The following TOX2 variants were observed in gnomAD, a reference collection of about 807,000 sequenced individuals.
TOX2 encodes TOX high mobility group box family member 2.
TOX2 carries 15 observed loss-of-function variants against 47.4 expected under a neutral mutation model. The ratio of observed to expected loss-of-function variants is 0.32; its 90% CI spans 0.21 to 0.49. The LOEUF (loss-of-function observed/expected upper bound fraction) is 0.49. Ranked by LOEUF, TOX2 falls within the 20% of genes least tolerant of loss-of-function variation. TOX2 has a pLI of 0.99. For missense variants in TOX2, 622 were observed against 673.1 expected, an observed-to-expected ratio of 0.92 and a Z score of 0.84; for synonymous variants, 290 against 296.6, an observed-to-expected ratio of 0.98 and a Z score of 0.23.
chr20:44,018,565 C>T (rs2070921900), intron 3 of TOX2, among the ~76,000 whole-genome samples: 1 of 152,184 alleles, frequency 6.6e-6, no homozygotes, highest in African/African-American at 2.4e-5. Context: ...GTCTGGAGCA[C>T]ATAAAACTTG....
chr20:43,917,304 T>C (rs944352967), intron 1 of TOX2, among the ~76,000 whole-genome samples: 5 of 151,936 alleles, frequency 3.3e-5, no homozygotes, highest in Non-Finnish European at 5.9e-5. Flanking sequence ...TCCCCTTTTC[T>C]GGCTCAAGAA....
intron 2 of TOX2, among the ~76,000 whole-genome samples, chr20:44,005,172 A>G (rs2070656555): frequency 6.6e-6 from 1 of 152,212 alleles, no homozygotes; most frequent in South Asian, 2.1e-4. Flanking sequence ...CTGTTCTGGA[A>G]CATTCTCAAC....
intron 1 of TOX2, among the ~76,000 whole-genome samples, chr20:43,929,930 A>C (rs937662705): frequency 3.3e-5 from 5 of 152,000 alleles, no homozygotes; most frequent in Admixed American, 1.3e-4. Flanking sequence ...GGATGGTCTC[A>C]ATCTCCTGAC....
intron 3 of TOX2, among the ~76,000 whole-genome samples, chr20:44,040,147 T>C (rs927945059): frequency 6.6e-5 from 10 of 152,194 alleles, no homozygotes; most frequent in African/African-American, 2.4e-4. Flanking sequence ...TGAGCTCAAC[T>C]TTCTTCTTCT....
chr20:43,929,159 A>AAAAC (rs368652271), intron 1 of TOX2, among the ~76,000 whole-genome samples: 53 of 152,140 alleles, frequency 3.5e-4, no homozygotes, highest in Middle Eastern at 3.4e-3. Context: ...CCCTGTCTCA[A>AAAAC]AAACAAACAA....
intron 3 of TOX2, among the ~76,000 whole-genome samples, chr20:44,041,219 G>T (rs758218821): frequency 6.6e-5 from 10 of 152,196 alleles, no homozygotes; most frequent in Non-Finnish European, 1.2e-4. Flanking sequence ...CTGCAAGGTG[G>T]GCTGTTGGCG....
chr20:44,004,194 A>G (rs948385528), intron 2 of TOX2, among the ~76,000 whole-genome samples: 2 of 152,204 alleles, frequency 1.3e-5, no homozygotes, highest in African/African-American at 4.8e-5. Context: ...GGGACACGGC[A>G]GGGGAAGGGG....
chr20:44,048,388 TTATATATATATA>T lies in TOX2; in HGVS notation c.412-2904_412-2893del, dbSNP rs11472862. 2.3e-5 allele frequency among the ~76,000 whole-genome samples: 2 copies of T among 86,872 alleles called. 1 individual carries two copies. 57.0% of individuals were successfully genotyped at this position (86,872 alleles called of 152,430 possible). On this transcript the variant is annotated intron_variant, in intron 3 of 8. Coordinates refer to ENST00000341197, the MANE Select transcript of TOX2 (RefSeq NM_001098797.2). ...ATGTTAGTATCTGGATAAAATGAAT[TTATATATATATA>T]TATATATATATATGTATAATTTACC...
At chr20:43,965,832 C>G (rs950175496) in intron 1 of TOX2, among the ~76,000 whole-genome samples, 2 of 152,074 alleles carry the variant, frequency 1.3e-5, no homozygotes, top group African/African-American at 4.8e-5. Flanking sequence ...AGAGAGATAC[C>G]TTTTCAGACT....
intron 1 of TOX2, among the ~76,000 whole-genome samples, chr20:43,971,551 G>GT (rs773464395): frequency 6.6e-6 from 1 of 152,206 alleles, no homozygotes; most frequent in Non-Finnish European, 1.5e-5. Flanking sequence ...GGTGATGTCT[G>GT]TCTAAATTAC....
chr20:44,020,206 C>T (rs187040932), intron 3 of TOX2, among the ~76,000 whole-genome samples: 6 of 152,284 alleles, frequency 3.9e-5, no homozygotes, highest in East Asian at 1.9e-4. Context: ...GATTAGGCCA[C>T]GGAGTTGCTG....
chr20:44,024,189 C>T (rs995163654), intron 3 of TOX2, among the ~76,000 whole-genome samples: 18 of 152,228 alleles, frequency 1.2e-4, no homozygotes, highest in African/African-American at 4.3e-4. Flanking sequence ...TATAGTATTA[C>T]CTTATCTCTT....
At chr20:44,057,600 A>G (rs2145775969) in intron 5 of TOX2, among the ~76,000 whole-genome samples, 1 of 152,352 alleles carries the variant, frequency 6.6e-6, no homozygotes, top group Non-Finnish European at 1.5e-5. Flanking sequence ...TAGAAAAATA[A>G]GAAAACCTTC....
At chr20:43,956,659 C>A (rs749652757) in intron 1 of TOX2, among the ~76,000 whole-genome samples, 1 of 152,054 alleles carries the variant, frequency 6.6e-6, no homozygotes, top group Non-Finnish European at 1.5e-5. Flanking sequence ...GTTTTAAGCC[C>A]TTGAGTGCTC....
chr20:43,921,160 C>G (rs80104428), intron 1 of TOX2, among the ~76,000 whole-genome samples: 1 of 152,102 alleles, frequency 6.6e-6, no homozygotes, highest in Non-Finnish European at 1.5e-5. Context: ...CAAGTGGGCT[C>G]GGAGGACAGA....
intron 1 of TOX2, among the ~76,000 whole-genome samples, chr20:43,968,232 T>C (rs1193134517): frequency 2.6e-5 from 4 of 152,196 alleles, no homozygotes; most frequent in Non-Finnish European, 5.9e-5. Flanking sequence ...TACCCACTTA[T>C]CACATCTGTT....
intron 5 of TOX2, among the ~76,000 whole-genome samples, chr20:44,064,195 C>T (rs546211120): frequency 6.6e-6 from 1 of 152,174 alleles, no homozygotes; most frequent in Non-Finnish European, 1.5e-5. Context: ...TCTCTGCATG[C>T]ATCACATTTG....
At chr20:44,051,615 TG>T (rs2071513830) in intron 4 of TOX2, 70 bp downstream of exon 4, 1 of 1,514,310 alleles carries the variant, frequency 6.6e-7, no homozygotes, top group East Asian at 2.3e-5. Flanking sequence ...TGTGGGGAAA[TG>T]GGCATCACCT....
intron 1 of TOX2, among the ~76,000 whole-genome samples, chr20:43,940,383 CT>C (rs372369100): frequency 3.8e-3 from 542 of 142,020 alleles, no homozygotes; most frequent in African/African-American, 4.2e-3. Flanking sequence ...GCACAGCTAG[CT>C]TTTTTTTTTT....
Sources: gnomAD v4.1 joint callset for allele counts (sites outside exome capture counted in the v4.1 genomes callset) on GRCh38, gnomAD v4.1.1 for gene constraint, MANE v1.5 for transcripts, NCBI Gene and HGNC (gene_info 2026-07-23, HGNC 2026-07-21) for gene names.